TRIM49: variants seen among roughly 807,000 people sequenced by gnomAD.
The protein encoded by TRIM49 is tripartite motif containing 49.
In TRIM49, 5 loss-of-function variants were observed where a neutral mutation model predicts 27.4. The ratio of observed to expected loss-of-function variants is 0.18; its 90% confidence interval spans 0.10 to 0.38. The LOEUF is 0.38. Ranked by LOEUF, TRIM49 falls within the 10% of genes least tolerant of loss-of-function variation. TRIM49 has a pLI of 1.00. For synonymous variants in TRIM49, 69 were observed against 166.0 expected (o/e 0.42, Z 4.49); for missense variants, 188 against 487.5 (o/e 0.39, Z 5.79).
intron 2 of TRIM49, among the ~76,000 whole-genome samples, chr11:89,805,183 G>A (rs1194673245): frequency 7.9e-5 from 12 of 151,166 alleles, no homozygotes; most frequent in African/African-American, 1.2e-4. Flanking sequence ...ATTTTCTTGC[G>A]GATTAAATTA....
At chr11:89,800,578 C>G (rs1949727045) in intron 6 of TRIM49, among the ~76,000 whole-genome samples, 1 of 150,596 alleles carries the variant, frequency 6.6e-6, no homozygotes, top group South Asian at 2.1e-4. Context: ...CCAGTCTCTA[C>G]TAAAAATACA....
chr11:89,795,705 G>A (rs1244289391), downstream of TRIM49, among the ~76,000 whole-genome samples: 2 of 132,992 alleles, frequency 1.5e-5, no homozygotes, highest in Non-Finnish European at 3.2e-5. Context: ...CTTGGACACA[G>A]GAAGGGGAAC....
the TRIM49 span, among the ~76,000 whole-genome samples, chr11:89,769,053 A>G: frequency 7.4e-6 from 1 of 134,892 alleles, no homozygotes; most frequent in Non-Finnish European, 1.5e-5. Flanking sequence ...GTGGTGGTGC[A>G]TGCTTTTAGT....
the TRIM49 span, among the ~76,000 whole-genome samples, chr11:89,769,648 G>GA: frequency 3.2e-4 from 39 of 120,616 alleles, 1 homozygote; most frequent in Non-Finnish European, 4.8e-4. Context: ...GTAAGGGAGG[G>GA]AAAAGGGAAG....
the TRIM49 span, chr11:89,777,108 A>G: frequency 2.6e-6 from 4 of 1,550,176 alleles, no homozygotes; most frequent in Non-Finnish European, 3.5e-6. Flanking sequence ...GCCTCTGCTC[A>G]GAAGAAGGCA....
At chr11:89,784,940 T>C in the TRIM49 span, among the ~76,000 whole-genome samples, 7 of 149,322 alleles carry the variant, frequency 4.7e-5, no homozygotes, top group South Asian at 8.3e-4. Context: ...TCATTTATTA[T>C]CTTCATCTGT....
the TRIM49 span, among the ~76,000 whole-genome samples, chr11:89,773,649 T>C: frequency 7.3e-6 from 1 of 137,034 alleles, no homozygotes; most frequent in Non-Finnish European, 1.5e-5. Context: ...AATTTAAAGT[T>C]AGCATGTGGC....
At chr11:89,768,860 G>A in the TRIM49 span, 2 of 503,850 alleles carry the variant, frequency 4.0e-6, 1 homozygote, top group African/African-American at 5.4e-5. Context: ...GAGAGAGAGA[G>A]AGAGAGAAAA....
At chr11:89,801,429 T>C (rs1170582986) in intron 5 of TRIM49, among the ~76,000 whole-genome samples, 2 of 147,052 alleles carry the variant, frequency 1.4e-5, no homozygotes, top group Admixed American at 1.3e-4. Flanking sequence ...CAACCCAAAG[T>C]ATATTATTGA....
chr11:89,798,233 G>T lies in TRIM49; in HGVS notation c.1256C>A (p.Thr419Asn), dbSNP rs758579239. Residue 419 changes from threonine to asparagine, a missense_variant, in exon 8 of 8, where the codon ACT (threonine) becomes AAT (asparagine). Physicochemically the swap from Thr to Asn is moderately conservative, Grantham distance 65 (BLOSUM62 0). Transcript: ENST00000329758. ...TTGATTAACATCAACAAAGCTCACA[G>T]TCTTAGCCTCACAATCCAGGAATAA... ...VGLFLDCEAK[T>N]VSFVDVNQSS... 2.6e-5 allele frequency: 41 copies of T among 1,566,624 alleles called. No homozygotes were observed. The South Asian group carries it at 2.7e-4, about 10-fold the overall frequency.
the TRIM49 span, among the ~76,000 whole-genome samples, chr11:89,791,079 A>G: frequency 5.4e-5 from 8 of 149,524 alleles, no homozygotes; most frequent in South Asian, 1.5e-3. Context: ...AAACCATGGC[A>G]GGAGAACTAC....
chr11:89,804,947 C>T (rs796632854), intron 2 of TRIM49, among the ~76,000 whole-genome samples: 6 of 150,920 alleles, frequency 4.0e-5, no homozygotes, highest in Middle Eastern at 3.4e-3. Context: ...TCACAAAAGC[C>T]GGGCAGCAAA....
At chr11:89,793,685 C>G (rs1175765359), downstream of TRIM49, among the ~76,000 whole-genome samples, 1 of 151,940 alleles carries the variant, frequency 6.6e-6, no homozygotes, top group Non-Finnish European at 1.5e-5. Context: ...ATTCAACAGC[C>G]CCTCATGCTA....
downstream of TRIM49, among the ~76,000 whole-genome samples, chr11:89,792,723 T>A (rs2134623952): frequency 6.6e-6 from 1 of 152,192 alleles, no homozygotes; most frequent in East Asian, 1.9e-4. Context: ...CATACTGGAA[T>A]CTCTGGGACA....
chr11:89,803,762 C>A lies in TRIM49; in HGVS notation c.443G>T (p.Trp148Leu), dbSNP rs199962952. The change falls in exon 4 of 8, where the codon TGG becomes TTG. Residue 148 changes from tryptophan (W) to leucine (L), a missense_variant. Physicochemically the swap from Trp to Leu is moderately conservative, Grantham distance 61. Transcript: ENST00000329758. ...EKLLQKMQSL[W>L]EKACENHRNL... ...TCTGTGATTTTCACAAGCTTTTTCC[C>A]ACAAAGACTGCATTTTCTGTAAAAG... 0.03 allele frequency: 42,063 copies of A among 1,403,528 alleles called. 61 individuals are homozygous for A. The highest frequency in any genetic ancestry group is 0.074 in the East Asian group (2,961 of 39,810). The allele number at this position is 1,403,528 out of a possible 1,614,324, so 86.9% of individuals were successfully genotyped here.
chr11:89,805,898 T>C (rs1229473078), intron 2 of TRIM49, among the ~76,000 whole-genome samples: 1 of 150,228 alleles, frequency 6.7e-6, no homozygotes, highest in Non-Finnish European at 1.5e-5. Flanking sequence ...TTGTATTTTT[T>C]TAGTAGAGAT....
downstream of TRIM49, among the ~76,000 whole-genome samples, chr11:89,795,180 AC>A (rs1182909374): frequency 1.3e-5 from 1 of 78,846 alleles, no homozygotes; most frequent in African/African-American, 4.9e-5. Context: ...AATCAAAACC[AC>A]AATGAGATAC....
At chr11:89,768,304 G>A in the TRIM49 span, 6,026 of 1,472,190 alleles carry the variant, frequency 4.1e-3, 1,671 homozygotes, top group African/African-American at 0.1. Flanking sequence ...GAAGTAGGTT[G>A]AGTTGGTTAA....
At position 89,800,414 on chromosome 11, in the gene TRIM49, A is replaced by T. The variant is rs562690441; in HGVS notation, c.761+552T>A. On this transcript the variant is annotated intron_variant, in intron 6 of 7. Transcript: ENST00000329758. ...ACTTTCTCACCATTCACAAAAAAAA[A>T]CTTATCTTTCTCCTGTGCAGGCTTT... is the stretch of plus-strand genomic sequence containing the variant. Among the ~76,000 whole-genome samples the T allele has an allele frequency of 1.8e-3, 274 of 151,636 alleles. 2 individuals carry two copies. Among genetic ancestry groups the T allele is most frequent in the African/African-American group, 6.5e-3 (267 of 41,032 alleles).
Sources: allele counts gnomAD v4.1 joint callset (sites outside exome capture counted in the v4.1 genomes callset), GRCh38; gene constraint gnomAD v4.1.1; transcripts MANE v1.5; gene names NCBI Gene and HGNC (gene_info 2026-07-23, HGNC 2026-07-21).